DCAF6: variants seen among roughly 807,000 people sequenced by gnomAD.
The protein encoded by DCAF6 is DDB1 and CUL4 associated factor 6.
In DCAF6, 54 loss-of-function variants were observed where a neutral mutation model predicts 125.1. The ratio of observed to expected loss-of-function variants is 0.43; its 90% CI spans 0.35 to 0.54. The LOEUF is 0.54. Ranked by LOEUF, DCAF6 falls within the 20% of genes least tolerant of loss-of-function variation. DCAF6 has a pLI of 0.01. For missense variants in DCAF6, 934 were observed against 1,161.7 expected, an observed-to-expected ratio of 0.80 and a Z score of 2.85; for synonymous variants, 371 against 390.4, an observed-to-expected ratio of 0.95 and a Z score of 0.58.
chr1:167,988,756 T>A (rs187151237), intron 5 of DCAF6, among the ~76,000 whole-genome samples: 4 of 152,264 alleles, frequency 2.6e-5, no homozygotes, highest in Non-Finnish European at 5.9e-5. Flanking sequence ...TTTATATATT[T>A]GAAACAGAAA....
the DCAF6 span, among the ~76,000 whole-genome samples, chr1:167,895,628 T>C: frequency 6.6e-6 from 1 of 152,202 alleles, no homozygotes; most frequent in African/African-American, 2.4e-5. Flanking sequence ...TTTGTTTGTT[T>C]TTTATGAATT....
chr1:167,905,260 C>G, the DCAF6 span: 7 of 1,244,624 alleles, frequency 5.6e-6, no homozygotes, highest in South Asian at 1.2e-5. Context: ...TCCTATTGCT[C>G]TTTCTCCATT....
In DCAF6 at chr1:168,003,364, T is replaced by G. The variant is rs538746898; in HGVS notation, c.998-506T>G. Among the ~76,000 whole-genome samples, 67 of 152,324 alleles carry G rather than the reference T, an allele frequency of 4.4e-4. 1 individual carries two copies. The South Asian group carries it at 0.012, about 27-fold the overall frequency. ...GGGAAGAGACAAAATACTTTCTGGT[T>G]CCAGTTAATTTCAAATATCTGAAAT... On this transcript the variant is annotated intron_variant, in intron 8 of 21. Coordinates refer to ENST00000367840, the MANE Select transcript of DCAF6 (RefSeq NM_001198956.2).
chr1:168,073,363 A>G (rs1209637996), intron 21 of DCAF6, among the ~76,000 whole-genome samples: 1 of 152,180 alleles, frequency 6.6e-6, no homozygotes, highest in African/African-American at 2.4e-5. Context: ...GATTTAATTA[A>G]TTCTGAGAAG....
chr1:167,869,508 G>C, the DCAF6 span, among the ~76,000 whole-genome samples: 4 of 152,192 alleles, frequency 2.6e-5, no homozygotes, highest in African/African-American at 9.7e-5. Context: ...CTAAAGGCAG[G>C]TAGCCCGGCG....
At chr1:167,958,787 AT>A (rs1316685189) in intron 2 of DCAF6, among the ~76,000 whole-genome samples, 1 of 152,174 alleles carries the variant, frequency 6.6e-6, no homozygotes, top group Non-Finnish European at 1.5e-5. Context: ...TTTCTCATAT[AT>A]CCCCTGCCCA....
At chr1:168,031,600 C>T (rs1056554307) in intron 12 of DCAF6, among the ~76,000 whole-genome samples, 1 of 152,074 alleles carries the variant, frequency 6.6e-6, no homozygotes, top group African/African-American at 2.4e-5. Context: ...GGAGTGTTCT[C>T]CTAAACTGTC....
chr1:167,985,196 T>TGTGTGTGTGTGTG (rs1213115885), intron 4 of DCAF6, among the ~76,000 whole-genome samples: 3 of 150,050 alleles, frequency 2.0e-5, no homozygotes, highest in Admixed American at 6.8e-5. Flanking sequence ...TGTGTGTGTG[T>TGTGTGTGTGTGTG]GTGTGTGTGT....
chr1:167,878,719 C>T, the DCAF6 span: 1 of 1,375,588 alleles, frequency 7.3e-7, no homozygotes, highest in Non-Finnish European at 1.0e-6. Flanking sequence ...CCCCAAATAG[C>T]ATTTTTACCC....
At chr1:167,885,008 T>A in the DCAF6 span, among the ~76,000 whole-genome samples, 1 of 152,196 alleles carries the variant, frequency 6.6e-6, no homozygotes, top group East Asian at 1.9e-4. Flanking sequence ...ATAGTTTTAA[T>A]TTTTAGCTCC....
chr1:167,880,131 C>A, the DCAF6 span: 4 of 1,612,810 alleles, frequency 2.5e-6, no homozygotes, highest in Non-Finnish European at 3.4e-6. Context: ...ACTCGTGTCT[C>A]ACAGTGTGTC....
chr1:167,866,032 C>A, the DCAF6 span, among the ~76,000 whole-genome samples: 1 of 152,202 alleles, frequency 6.6e-6, no homozygotes, highest in Non-Finnish European at 1.5e-5. Flanking sequence ...ACTTAGGATT[C>A]CTTGGAGACC....
At chr1:167,967,305 A>G (rs759416159) in intron 3 of DCAF6, among the ~76,000 whole-genome samples, 1 of 152,180 alleles carries the variant, frequency 6.6e-6, no homozygotes, top group Non-Finnish European at 1.5e-5. Flanking sequence ...ACCATAAGCT[A>G]ATAAACTCCC....
rs776464027 is a variant in DCAF6 at position 167,936,872 on chromosome 1, C to A, written c.-40C>A. The A allele has an allele frequency of 3.3e-6, 5 of 1,519,066 alleles. No individual in the cohort carries two copies. Among genetic ancestry groups the A allele is most frequent in the African/African-American group, 2.7e-5 (2 of 72,942 alleles). The allele number at this position is 1,519,066 out of a possible 1,614,324, so 94.1% of individuals were successfully genotyped here. A position where few individuals can be genotyped will look rare whatever the true frequency, so the allele number is the denominator to read the frequency against. On this transcript the variant is annotated 5_prime_UTR_variant, in exon 1 of 22. Coordinates refer to ENST00000367840, the MANE Select transcript of DCAF6 (RefSeq NM_001198956.2). ...GTCCCCTCCCCCTCCTCCCCTCCCC[C>A]ACGCGGTGGTCTCCCCTCCCACCCG...
the DCAF6 span, among the ~76,000 whole-genome samples, chr1:167,866,431 C>CA: frequency 0.041 from 6,047 of 147,018 alleles, 402 homozygotes; most frequent in East Asian, 0.28. Context: ...ATATCTATTA[C>CA]AAACAACAGC....
intron 2 of DCAF6, among the ~76,000 whole-genome samples, chr1:167,960,636 T>G (rs1281587100): frequency 6.6e-6 from 1 of 152,196 alleles, no homozygotes; most frequent in Non-Finnish European, 1.5e-5. Flanking sequence ...GATTCTCCAC[T>G]TATCTTTCTG....
At chr1:167,993,558 T>C (rs780632189) in intron 7 of DCAF6, 118 bp downstream of exon 7, 155 of 732,882 alleles carry the variant, frequency 2.1e-4, no homozygotes, top group Non-Finnish European at 3.2e-4. Flanking sequence ...GCAACCAGCC[T>C]GACCAACATG....
intron 1 of DCAF6, among the ~76,000 whole-genome samples, chr1:167,950,085 T>C (rs1325868693): frequency 2.6e-5 from 4 of 152,242 alleles, no homozygotes; most frequent in East Asian, 3.8e-4. Context: ...AACAGCTTAC[T>C]TTATCTTCTA....
At chr1:167,907,166 A>G in the DCAF6 span, among the ~76,000 whole-genome samples, 2 of 152,340 alleles carry the variant, frequency 1.3e-5, no homozygotes, top group East Asian at 3.9e-4. Flanking sequence ...TCAAAAAACC[A>G]TGGAGAACAA....
Sources: allele counts gnomAD v4.1 joint callset (sites outside exome capture counted in the v4.1 genomes callset), GRCh38; gene constraint gnomAD v4.1.1; transcripts MANE v1.5; gene names NCBI Gene and HGNC (gene_info 2026-07-23, HGNC 2026-07-21).